The following RNF217 variants were observed in gnomAD, a reference collection of about 807,000 sequenced individuals.
RNF217 encodes the protein E3 ubiquitin-protein ligase RNF217.
In RNF217, 31 loss-of-function variants were observed where a neutral mutation model predicts 57.8. The ratio of observed to expected loss-of-function variants is 0.54; its 90% CI spans 0.40 to 0.72. RNF217 has a LOEUF of 0.72. Ranked by LOEUF, RNF217 falls within the 30% of genes least tolerant of loss-of-function variation. The pLI is 0.00. For synonymous variants in RNF217, 313 were observed against 294.0 expected, an observed-to-expected ratio of 1.06 and a Z score of -0.66; for missense variants, 696 against 708.3, an observed-to-expected ratio of 0.98 and a Z score of 0.20.
chr6:125,064,938 A>C (rs1787877974), intron 3 of RNF217, among the ~76,000 whole-genome samples: 1 of 152,094 alleles, frequency 6.6e-6, no homozygotes, highest in Admixed American at 6.6e-5. Flanking sequence ...TAGCTTCTGA[A>C]TATAACCAAT....
chr6:125,051,448 T>C (rs957930251), intron 2 of RNF217, among the ~76,000 whole-genome samples: 3 of 151,996 alleles, frequency 2.0e-5, no homozygotes, highest in African/African-American at 7.2e-5. Context: ...TCTACCACCC[T>C]CTGTGCTACT....
chr6:125,080,622 A>G (rs1788540835), intron 4 of RNF217, among the ~76,000 whole-genome samples: 2 of 152,046 alleles, frequency 1.3e-5, no homozygotes, highest in African/African-American at 2.4e-5. Flanking sequence ...TACAATAACA[A>G]CATGTATTTA....
chr6:125,033,938 A>C (rs890791841), intron 1 of RNF217, among the ~76,000 whole-genome samples: 1 of 151,916 alleles, frequency 6.6e-6, no homozygotes, highest in Non-Finnish European at 1.5e-5. Context: ...CATTTCTCTG[A>C]TGGCCAGTGA....
At chr6:125,050,451 T>C (rs1359856086) in intron 2 of RNF217, among the ~76,000 whole-genome samples, 1 of 152,020 alleles carries the variant, frequency 6.6e-6, no homozygotes, top group Non-Finnish European at 1.5e-5. Flanking sequence ...CTTATCTCTC[T>C]AGCTGTCTTT....
chr6:125,059,574 A>G (rs188602519), intron 3 of RNF217, among the ~76,000 whole-genome samples: 2 of 152,332 alleles, frequency 1.3e-5, no homozygotes, highest in African/African-American at 2.4e-5. Context: ...TGGTTCTACA[A>G]CTGGATTTGG....
chr6:125,042,579 A>G (rs1786925439), intron 1 of RNF217, among the ~76,000 whole-genome samples: 1 of 152,132 alleles, frequency 6.6e-6, no homozygotes, highest in Non-Finnish European at 1.5e-5. Context: ...GAAGTAATAT[A>G]TTCTTCGGAA....
intron 3 of RNF217, among the ~76,000 whole-genome samples, chr6:125,062,663 G>C (rs566684847): frequency 2.6e-5 from 4 of 151,890 alleles, no homozygotes; most frequent in Non-Finnish European, 5.9e-5. Flanking sequence ...TGCAACCTTC[G>C]TCTCCCGGGC....
At chr6:125,071,129 C>A (rs540840) in intron 3 of RNF217, among the ~76,000 whole-genome samples, 9,243 of 152,158 alleles carry the variant, frequency 0.061, 919 homozygotes, top group African/African-American at 0.21. Context: ...TTGAGGAGGA[C>A]AGGTACTATT....
intron 4 of RNF217, among the ~76,000 whole-genome samples, chr6:125,077,512 C>T (rs539339620): frequency 1.3e-5 from 2 of 152,280 alleles, no homozygotes; most frequent in East Asian, 3.9e-4. Context: ...ATACACAACC[C>T]CTTCCCACAC....
rs1186539463 is a variant in RNF217 at position 125,077,291 on chromosome 6, CT to C, written c.1483+437del. Among the ~76,000 whole-genome samples the C allele has an allele frequency of 4.6e-5, 7 of 152,194 alleles. No homozygotes were observed. In the East Asian group the frequency reaches 1.4e-3, roughly 29 times the overall value. On this transcript the variant is annotated intron_variant, in intron 4 of 5. Transcript: ENST00000521654. Reference sequence around the variant, plus strand: ...TAGGAAGGCAGGGGAAAAAATCTACCTTTTAGAGCCCTGTAATAGAGTTCCA... The same window carrying C: ...TAGGAAGGCAGGGGAAAAAATCTACCTTTAGAGCCCTGTAATAGAGTTCCA...
At chr6:124,986,086 A>G (rs999740574) in intron 1 of RNF217, among the ~76,000 whole-genome samples, 3 of 152,208 alleles carry the variant, frequency 2.0e-5, no homozygotes, top group African/African-American at 7.2e-5. Flanking sequence ...AATTCTAGAT[A>G]TGTCACAAAG....
chr6:124,963,417 G>A lies in RNF217; in HGVS notation c.873G>A (p.Leu291=). 1 of 1,463,326 alleles carries A rather than the reference G, an allele frequency of 6.8e-7. No homozygotes were observed. Among genetic ancestry groups the A allele is most frequent in the Non-Finnish European group, 9.0e-7 (1 of 1,111,788 alleles). 90.6% of individuals were successfully genotyped at this position (1,463,326 alleles called of 1,614,324 possible). A position where few individuals can be genotyped will look rare whatever the true frequency, so the allele number is the denominator to read the frequency against. ...AVCEECLKVY[L]SAQVQLGQVE... is the part of the protein sequence containing the mutation. Reference sequence around the variant, plus strand: ...GCGAGGAGTGCCTCAAAGTCTACCTGAGCGCCCAGGTAACTTCACCCCCTT... The same window carrying A: ...GCGAGGAGTGCCTCAAAGTCTACCTAAGCGCCCAGGTAACTTCACCCCCTT... The change falls in exon 1 of 6, where the codon CTG becomes CTA. Residue 291 remains leucine (L), a synonymous_variant. Transcript: ENST00000521654.
chr6:125,019,191 G>A (rs1325555179), intron 1 of RNF217, among the ~76,000 whole-genome samples: 1 of 152,168 alleles, frequency 6.6e-6, no homozygotes, highest in African/African-American at 2.4e-5. Flanking sequence ...CCACGAGGAG[G>A]TTGTACACCA....
chr6:125,085,598 C>A lies in RNF217; in HGVS notation c.*2661C>A, dbSNP rs1232973001. The A allele has an allele frequency of 1.3e-5, 2 of 151,832 alleles. No individual in the cohort carries two copies. Among genetic ancestry groups the A allele is most frequent in the South Asian group, 2.1e-4 (1 of 4,824 alleles). The allele number at this position is 151,832 out of a possible 1,614,324, so 9.4% of individuals were successfully genotyped here. A position where few individuals can be genotyped will look rare whatever the true frequency, so the allele number is the denominator to read the frequency against. On this transcript the variant is annotated 3_prime_UTR_variant, in exon 6 of 6. Coordinates refer to ENST00000521654, the MANE Select transcript of RNF217 (RefSeq NM_001286398.3). ...AGAAGCGTGCACATAAAATAAATAT[C>A]TTTCTATCCAAGGCTTGTCATTTTA...
rs188623741 is a variant in RNF217, at chr6:124,982,456, T to C, written c.882+19030T>C. Among the ~76,000 whole-genome samples the C allele has an allele frequency of 2.1e-3, 321 of 152,278 alleles. 2 individuals carry two copies. Among genetic ancestry groups the C allele is most frequent in the African/African-American group, 7.3e-3 (303 of 41,554 alleles). On this transcript the variant is annotated intron_variant, in intron 1 of 5. Transcript: ENST00000521654. ...TTATCTCACTTTCCAGATACTTGGA[T>C]ATTTTCTATAGCAAAAATGTGGTCA...
chr6:125,081,216 G>T (rs1347244192), intron 4 of RNF217, among the ~76,000 whole-genome samples: 3 of 152,080 alleles, frequency 2.0e-5, no homozygotes, highest in Non-Finnish European at 4.4e-5. Context: ...AGTGATTTAT[G>T]TTTGATGCAT....
intron 1 of RNF217, among the ~76,000 whole-genome samples, chr6:124,967,181 G>C (rs1192943294): frequency 1.3e-5 from 2 of 152,178 alleles, no homozygotes; most frequent in South Asian, 2.1e-4. Context: ...CCAGTGACCT[G>C]TGTATGCGTG....
chr6:124,995,803 T>A (rs1346297463), intron 1 of RNF217, among the ~76,000 whole-genome samples: 4 of 152,066 alleles, frequency 2.6e-5, no homozygotes. Flanking sequence ...ACTTCTGTAA[T>A]CCCAGCTACT....
At position 125,076,836 on chromosome 6, in the gene RNF217, ATTAGTGCGAG is replaced by A; in HGVS notation, c.1462_1471del (p.Leu488GlyfsTer13). 6.2e-7 allele frequency: 1 copy of A among 1,613,426 alleles called. No homozygotes were observed. Among genetic ancestry groups the A allele is most frequent in the Non-Finnish European group, 8.5e-7 (1 of 1,179,620 alleles). ...TCCCAGAGAGACCTCATTTAAGGAG[ATTAGTGCGAG>A]GGTCAGTCTGTGGTGAGTGTCTGAC... On this transcript the variant is annotated frameshift_variant, in exon 4 of 6. Coordinates refer to ENST00000521654, the MANE Select transcript of RNF217 (RefSeq NM_001286398.3). LOFTEE classifies it high-confidence loss of function.
Sources: allele counts gnomAD v4.1 joint callset (sites outside exome capture counted in the v4.1 genomes callset), GRCh38; gene constraint gnomAD v4.1.1; transcripts MANE v1.5; gene names NCBI Gene and HGNC (gene_info 2026-07-23, HGNC 2026-07-21).